ZFHX3: variants seen among roughly 807,000 people sequenced by gnomAD.
ZFHX3 encodes zinc finger homeobox 3, also known as zinc finger homeobox protein 3.
ZFHX3 carries 42 observed loss-of-function variants against 279.1 expected under a neutral mutation model. The observed-to-expected ratio is 0.15, with a 90% CI of 0.12 to 0.19. The LOEUF (loss-of-function observed/expected upper bound fraction) is 0.19, where lower values mean the gene tolerates loss of function less well. Ranked by LOEUF, ZFHX3 falls within the 10% of genes least tolerant of loss-of-function variation. The probability of loss-of-function intolerance (pLI) is 1.00; values close to 1 mark genes in which losing one functional copy is unlikely to be tolerated. For missense variants in ZFHX3, 4,981 were observed against 4,754.0 expected (o/e 1.05, Z -1.40); for synonymous variants, 2,293 against 1,957.8 (o/e 1.17, Z -4.52).
At chr16:73,018,611 A>C (rs912297959) in intron 1 of ZFHX3, among the ~76,000 whole-genome samples, 7 of 152,106 alleles carry the variant, frequency 4.6e-5, no homozygotes, top group African/African-American at 1.4e-4. Context: ...AATAAAATAA[A>C]ATAAAATAAC....
chr16:72,909,609 C>T (rs986056120), intron 3 of ZFHX3, among the ~76,000 whole-genome samples: 6 of 152,016 alleles, frequency 3.9e-5, no homozygotes, highest in African/African-American at 1.2e-4. Flanking sequence ...AGGCTCAGGC[C>T]GGGTGCGGTA....
intron 2 of ZFHX3, among the ~76,000 whole-genome samples, chr16:73,526,531 T>C (rs1442833951): frequency 6.6e-6 from 1 of 152,222 alleles, no homozygotes; most frequent in African/African-American, 2.4e-5. Context: ...TCGTTTCATA[T>C]TCAAAATGAC....
At chr16:73,282,518 G>C (rs1285181296) in intron 4 of ZFHX3, among the ~76,000 whole-genome samples, 1 of 151,990 alleles carries the variant, frequency 6.6e-6, no homozygotes, top group African/African-American at 2.4e-5. Flanking sequence ...TCTTTATATT[G>C]ATCACTTTTT....
At chr16:73,748,312 CTGAT>C (rs1452860418) in intron 1 of ZFHX3, among the ~76,000 whole-genome samples, 1 of 152,172 alleles carries the variant, frequency 6.6e-6, no homozygotes, top group African/African-American at 2.4e-5. Flanking sequence ...TGCTTCTGTT[CTGAT>C]TGCCTCCATC....
In ZFHX3 at chr16:73,832,186, C is replaced by T. The variant is rs373082747; in HGVS notation, c.-1608+59465G>A. On this transcript the variant is annotated intron_variant, in intron 1 of 17. Coordinates refer to the ZFHX3 transcript ENST00000641206. ...AGTGCTGGGATTATAGGCAAAGCCA[C>T]TGTGCCCGACCTCATATGCTTTTTT... Among the ~76,000 whole-genome samples the T allele has an allele frequency of 4.5e-3, 689 of 151,684 alleles. 6 individuals are homozygous for T. Among genetic ancestry groups the T allele is most frequent in the African/African-American group, 0.015 (633 of 41,210 alleles).
In ZFHX3 at chr16:73,168,211, T is replaced by TCTTTCTTTCTTTCTTTC. The variant is rs1967422435; in HGVS notation, c.-1103-24381_-1103-24380insGAAAGAAAGAAAGAAAG. ...CCTTTTAACACTATAGTTTCTTTTG[T>TCTTTCTTTCTTTCTTTC]TTTCTTTCTTTCTTTCTTTCTTTCT... On this transcript the variant is annotated intron_variant, in intron 5 of 17. Transcript: ENST00000641206. 2.0e-4 allele frequency among the ~76,000 whole-genome samples: 19 copies of TCTTTCTTTCTTTCTTTC among 95,308 alleles called. No individual in the cohort carries two copies. In the Admixed American group the frequency reaches 2.2e-3, roughly 11 times the overall value. The allele number at this position is 95,308 out of a possible 152,430, so 62.5% of individuals were successfully genotyped here.
At chr16:73,158,311 C>T (rs1320495833) in intron 5 of ZFHX3, among the ~76,000 whole-genome samples, 2 of 152,116 alleles carry the variant, frequency 1.3e-5, no homozygotes, top group African/African-American at 4.8e-5. Context: ...CAAGTAATGA[C>T]AACTGAATAG....
chr16:72,990,680 C>A (rs1413247492), intron 1 of ZFHX3, among the ~76,000 whole-genome samples: 2 of 152,154 alleles, frequency 1.3e-5, no homozygotes, highest in African/African-American at 2.4e-5. Flanking sequence ...AAACTAACAC[C>A]TTGAAATGGG....
intron 1 of ZFHX3, among the ~76,000 whole-genome samples, chr16:73,687,362 G>C (rs1201916886): frequency 6.6e-6 from 1 of 150,596 alleles, no homozygotes; most frequent in African/African-American, 2.4e-5. Context: ...CAGCCTGGGT[G>C]ACAGAGAGAG....
At chr16:73,837,585 T>G (rs1380066211) in intron 1 of ZFHX3, among the ~76,000 whole-genome samples, 1 of 152,198 alleles carries the variant, frequency 6.6e-6, no homozygotes, top group African/African-American at 2.4e-5. Flanking sequence ...ACACACACAC[T>G]GGCTGAATTA....
Position 73,418,007 on chromosome 16 carries a change from A to G in ZFHX3, c.-1291+37996T>C, listed in dbSNP as rs796796486. Among the ~76,000 whole-genome samples, 99 of 150,580 alleles carry G rather than the reference A, an allele frequency of 6.6e-4. 1 individual carries two copies. The highest frequency in any genetic ancestry group is 3.4e-3 in the Middle Eastern group (1 of 292). ...CCATCTCAAAAAAAAAAAAAAAAAA[A>G]AAAAAGGAAAAAGAAAAGGCTGTGG... is the stretch of plus-strand genomic sequence containing the variant. On this transcript the variant is annotated intron_variant, in intron 3 of 17. Coordinates refer to the ZFHX3 transcript ENST00000641206.
chr16:73,879,264 C>G (rs2030062526), intron 1 of ZFHX3, among the ~76,000 whole-genome samples: 1 of 145,012 alleles, frequency 6.9e-6, no homozygotes, highest in South Asian at 2.2e-4. Context: ...AGACTACCAT[C>G]GTGGTCAGGA....
At chr16:73,343,758 G>C (rs2016077679) in intron 3 of ZFHX3, among the ~76,000 whole-genome samples, 1 of 152,052 alleles carries the variant, frequency 6.6e-6, no homozygotes, top group African/African-American at 2.4e-5. Flanking sequence ...GAACAGAAAG[G>C]GCTCCTGTTG....
At chr16:72,936,310 T>A (rs953576725) in intron 3 of ZFHX3, among the ~76,000 whole-genome samples, 2 of 152,202 alleles carry the variant, frequency 1.3e-5, no homozygotes, top group Non-Finnish European at 2.9e-5. Flanking sequence ...GGTTCAATAT[T>A]TATTGAGCTG....
chr16:73,813,990 T>C (rs1427320437), intron 1 of ZFHX3: 1 of 152,232 alleles, frequency 6.6e-6, no homozygotes, highest in Non-Finnish European at 1.5e-5. Flanking sequence ...TGTTATTGGG[T>C]ATCACTCTTA....
intron 2 of ZFHX3, among the ~76,000 whole-genome samples, chr16:73,565,253 C>CAA (rs762234849): frequency 7.5e-6 from 1 of 132,862 alleles, no homozygotes; most frequent in Non-Finnish European, 1.6e-5. Flanking sequence ...GACCCCATCT[C>CAA]AAAAAAAAAA....
chr16:73,102,244 G>A (rs533071613), intron 7 of ZFHX3, among the ~76,000 whole-genome samples: 1 of 152,258 alleles, frequency 6.6e-6, no homozygotes, highest in Non-Finnish European at 1.5e-5. Flanking sequence ...TCTTGCAGAT[G>A]AAGAACTTGG....
chr16:73,485,424 GAAAAA>G (rs796678890), intron 2 of ZFHX3, among the ~76,000 whole-genome samples: 3 of 45,258 alleles, frequency 6.6e-5, no homozygotes, highest in Admixed American at 2.3e-4. Context: ...GGGTGAGGGA[GAAAAA>G]AAAAAAAAAA....
At chr16:73,399,427 C>T (rs2017200182) in intron 3 of ZFHX3, among the ~76,000 whole-genome samples, 1 of 152,156 alleles carries the variant, frequency 6.6e-6, no homozygotes, top group African/African-American at 2.4e-5. Context: ...AGACATCTCT[C>T]CAACCTTGGG....
Sources: gnomAD v4.1 joint callset for allele counts (sites outside exome capture counted in the v4.1 genomes callset) on GRCh38, gnomAD v4.1.1 for gene constraint, MANE v1.5 for transcripts, NCBI Gene and HGNC (gene_info 2026-07-23, HGNC 2026-07-21) for gene names.